TNFRSF1B: variants seen among roughly 807,000 people sequenced by gnomAD.
TNFRSF1B encodes the protein TNF receptor superfamily member 1B, also known as tumor necrosis factor receptor superfamily member 1B.
TNFRSF1B carries 19 observed loss-of-function variants against 44.6 expected under a neutral mutation model. The ratio of observed to expected loss-of-function variants is 0.43; its 90% CI spans 0.30 to 0.62. The LOEUF (loss-of-function observed/expected upper bound fraction) is 0.62. TNFRSF1B is among the 20% of genes least tolerant of loss of function. The pLI, the probability that TNFRSF1B is intolerant of heterozygous loss-of-function variation, is 0.16. For synonymous variants in TNFRSF1B, 252 were observed against 261.1 expected, an observed-to-expected ratio of 0.97 and a Z score of 0.34; for missense variants, 541 against 619.9, an observed-to-expected ratio of 0.87 and a Z score of 1.35.
At chr1:12,182,053 CAG>C (rs1400299847) in intron 1 of TNFRSF1B, among the ~76,000 whole-genome samples, 1 of 152,216 alleles carries the variant, frequency 6.6e-6, no homozygotes, top group African/African-American at 2.4e-5. Flanking sequence ...AGTGAGGACA[CAG>C]AGGATCTTTG....
At chr1:12,183,700 C>G (rs1570141497) in intron 1 of TNFRSF1B, among the ~76,000 whole-genome samples, 1 of 123,146 alleles carries the variant, frequency 8.1e-6, no homozygotes, top group African/African-American at 2.9e-5. Context: ...ATCTATCTAT[C>G]TATCTATCTA....
At chr1:12,202,343 C>T (rs1639413016) in intron 9 of TNFRSF1B, among the ~76,000 whole-genome samples, 172 bp downstream of exon 9, 1 of 152,268 alleles carries the variant, frequency 6.6e-6, no homozygotes, top group Admixed American at 6.5e-5. Context: ...TTTGCCCATG[C>T]TGGGCCTATC....
In TNFRSF1B at chr1:12,192,970, T is replaced by C. The variant is rs745706109; in HGVS notation, c.659T>C (p.Val220Ala). The change falls in exon 6 of 10, where the codon GTG (valine) becomes GCG (alanine). Residue 220 changes from valine (V) to alanine (A), a missense_variant. Coordinates refer to ENST00000376259, the MANE Select transcript of TNFRSF1B (RefSeq NM_001066.3). The stretch of plus-strand genomic sequence containing the variant: ...GGGGCAGTACACTTACCCCAGCCAG[T>C]GTCCACACGATCCCAACACACGCAG... ...APGAVHLPQPVSTRSQHTQPT... is the reference protein window; with the variant it reads ...APGAVHLPQPASTRSQHTQPT... The C allele has an allele frequency of 7.4e-6, 12 of 1,614,056 alleles. No individual in the cohort carries two copies. The highest frequency in any genetic ancestry group is 4.5e-5 in the East Asian group (2 of 44,890).
rs140130961 is a variant in TNFRSF1B at position 12,194,573 on chromosome 1, C to G, written c.866-11C>G. 58 of 1,614,166 alleles carry G rather than the reference C, an allele frequency of 3.6e-5. 1 individual carries two copies. The East Asian group carries it at 1.2e-3, about 33-fold the overall frequency. On this transcript the variant is annotated splice_polypyrimidine_tract_variant and intron_variant, in intron 7 of 9. Coordinates refer to ENST00000376259, the MANE Select transcript of TNFRSF1B (RefSeq NM_001066.3). ...AGTCAATCTCTTACTTGTCCCCTCT[C>G]CTCTTTATAGAGAAGCCCTTGTGCC...
In TNFRSF1B at chr1:12,177,817, C is replaced by G. The variant is rs1277083480; in HGVS notation, c.78+10648C>G. Among the ~76,000 whole-genome samples, 3 of 151,130 alleles carry G rather than the reference C, an allele frequency of 2.0e-5. No homozygotes were observed. The highest frequency in any genetic ancestry group is 4.4e-5 in the Non-Finnish European group (3 of 67,844). The stretch of plus-strand genomic sequence containing the variant: ...TCCAAAAAAAAAAAAAAAAGAAGAG[C>G]TGACATTTAGCGGGTGCTTCTTGGG... On this transcript the variant is annotated intron_variant, in intron 1 of 9. Coordinates refer to ENST00000376259, the MANE Select transcript of TNFRSF1B (RefSeq NM_001066.3). The surrounding 1 kb of genome is among the most constrained non-coding windows in gnomAD (Gnocchi z 4.3).
chr1:12,198,205 G>A (rs769299105), intron 8 of TNFRSF1B, among the ~76,000 whole-genome samples: 16 of 151,404 alleles, frequency 1.1e-4, no homozygotes, highest in Non-Finnish European at 1.5e-4. Flanking sequence ...ACGGACCCAC[G>A]TCTGATAACA....
chr1:12,190,987 C>T lies in TNFRSF1B; in HGVS notation c.209C>T (p.Thr70Ile), dbSNP rs1639104700. 3 of 1,614,064 alleles carry T rather than the reference C, an allele frequency of 1.9e-6. No homozygotes were observed. Among genetic ancestry groups the T allele is most frequent in the Non-Finnish European group, 1.7e-6 (2 of 1,180,044 alleles). The change falls in exon 3 of 10, where the codon ACC (threonine) becomes ATC (isoleucine). Residue 70 changes from threonine (T) to isoleucine (I), a missense_variant. Thr to Ile is a moderately conservative substitution (Grantham distance 89). Coordinates refer to ENST00000376259, the MANE Select transcript of TNFRSF1B (RefSeq NM_001066.3). ...GQHAKVFCTK[T>I]SDTVCDSCED... The stretch of plus-strand genomic sequence containing the variant: ...CATGCAAAAGTCTTCTGTACCAAGA[C>T]CTCGGACACCGTGTGTGACTCCTGT...
At position 12,180,182 on chromosome 1, in the gene TNFRSF1B, C is replaced by T. The variant is rs1161208149; in HGVS notation, c.79-8614C>T. ...CAGCGGCTCACGCCTGTAATCCCAG[C>T]ACTTTGGGAGGCTGAGGGAGGAGGA... is the stretch of plus-strand genomic sequence containing the variant. On this transcript the variant is annotated intron_variant, in intron 1 of 9. Coordinates refer to ENST00000376259, the MANE Select transcript of TNFRSF1B (RefSeq NM_001066.3). This position sits in a 1 kb window ranked among gnomAD's most constrained non-coding sequence, Gnocchi z 4.3. Among the ~76,000 whole-genome samples the T allele has an allele frequency of 6.6e-6, 1 of 152,184 alleles. No homozygotes were observed. The highest frequency in any genetic ancestry group is 6.5e-5 in the Admixed American group (1 of 15,274).
chr1:12,204,448 C>CGGCTA (rs1639458169), intron 9 of TNFRSF1B, among the ~76,000 whole-genome samples: 1 of 152,220 alleles, frequency 6.6e-6, no homozygotes, highest in Admixed American at 6.5e-5. Flanking sequence ...ATCCACCTCC[C>CGGCTA]GGCTACCCTA....
At chr1:12,174,460 C>G (rs1483121498) in intron 1 of TNFRSF1B, among the ~76,000 whole-genome samples, 1 of 152,110 alleles carries the variant, frequency 6.6e-6, no homozygotes, top group East Asian at 1.9e-4. Flanking sequence ...GTTGGCCAGG[C>G]TGGTCTCGAA....
chr1:12,188,081 T>A (rs1639026016), intron 1 of TNFRSF1B, among the ~76,000 whole-genome samples: 1 of 152,112 alleles, frequency 6.6e-6, no homozygotes, highest in African/African-American at 2.4e-5. Flanking sequence ...GTCATGGTCA[T>A]AACCAACATT....
intron 1 of TNFRSF1B, among the ~76,000 whole-genome samples, chr1:12,185,640 A>G (rs1570146257): frequency 6.6e-6 from 1 of 152,346 alleles, no homozygotes; most frequent in African/African-American, 2.4e-5. Flanking sequence ...GCCCGTGCCC[A>G]GAATTCACCA....
In TNFRSF1B at chr1:12,169,688, A is replaced by G. The variant is rs1327233532; in HGVS notation, c.78+2519A>G. Reference sequence around the variant, plus strand: ...TGCCAGCAGGGCTTTTGCCCCGTTTAAAAGTCTTATTTGCCAGCTGGTATG... The same window carrying G: ...TGCCAGCAGGGCTTTTGCCCCGTTTGAAAGTCTTATTTGCCAGCTGGTATG... On this transcript the variant is annotated intron_variant, in intron 1 of 9. Coordinates refer to ENST00000376259, the MANE Select transcript of TNFRSF1B (RefSeq NM_001066.3). The surrounding 1 kb of genome is among the most constrained non-coding windows in gnomAD (Gnocchi z 4.5). Among the ~76,000 whole-genome samples, 1 of 152,250 alleles carries G rather than the reference A, an allele frequency of 6.6e-6. No homozygotes were observed. Among genetic ancestry groups the G allele is most frequent in the African/African-American group, 2.4e-5 (1 of 41,466 alleles).
intron 8 of TNFRSF1B, among the ~76,000 whole-genome samples, chr1:12,194,910 C>A (rs1639233694): frequency 6.6e-6 from 1 of 152,240 alleles, no homozygotes; most frequent in East Asian, 1.9e-4. Flanking sequence ...TGCTCTATGG[C>A]TACTTCCTTA....
intron 1 of TNFRSF1B, among the ~76,000 whole-genome samples, chr1:12,175,066 G>A (rs918868720): frequency 6.6e-6 from 1 of 152,246 alleles, no homozygotes; most frequent in South Asian, 2.1e-4. Flanking sequence ...CTGAGTGGGA[G>A]AGCAGAGCGG....
In TNFRSF1B at chr1:12,177,178, A is replaced by ATT. The variant is rs537232312; in HGVS notation, c.78+10016_78+10017dup. ...CCACCACGCCTGGCTAATTTTTTGTATTTTTTTTAGTAGAGATGGTGTTTC... is the reference window on the plus strand; with the variant it reads ...CCACCACGCCTGGCTAATTTTTTGTATTTTTTTTTTAGTAGAGATGGTGTTTC... On this transcript the variant is annotated intron_variant, in intron 1 of 9. Transcript: ENST00000376259. The surrounding 1 kb of genome is among the most constrained non-coding windows in gnomAD (Gnocchi z 4.3). Among the ~76,000 whole-genome samples the ATT allele has an allele frequency of 6.6e-6, 1 of 151,350 alleles. No homozygotes were observed. Among genetic ancestry groups the ATT allele is most frequent in the African/African-American group, 2.4e-5 (1 of 41,150 alleles).
In TNFRSF1B at chr1:12,177,475, C is replaced by A. The variant is rs768630023; in HGVS notation, c.78+10306C>A. 6.6e-6 allele frequency among the ~76,000 whole-genome samples: 1 copy of A among 152,160 alleles called. No homozygotes were observed. The highest frequency in any genetic ancestry group is 1.5e-5 in the Non-Finnish European group (1 of 68,006). ...TCTCAGGTATGAAATTGGCTGCACCCCCACTAGTGTGGGGGAGCAGGATTC... is the reference window on the plus strand; with the variant it reads ...TCTCAGGTATGAAATTGGCTGCACCACCACTAGTGTGGGGGAGCAGGATTC... On this transcript the variant is annotated intron_variant, in intron 1 of 9. Coordinates refer to ENST00000376259, the MANE Select transcript of TNFRSF1B (RefSeq NM_001066.3). The surrounding 1 kb of genome is among the most constrained non-coding windows in gnomAD (Gnocchi z 4.3).
Position 12,207,112 on chromosome 1 carries a change from C to G in TNFRSF1B, c.*92C>G, listed in dbSNP as rs1639523050. ...GGCCCTGGTCCTTCCAGGCCCCCAC[C>G]ACTAGGACTCTGAGGCTCTTTCTGG... is the stretch of plus-strand genomic sequence containing the variant. On this transcript the variant is annotated 3_prime_UTR_variant, in exon 10 of 10. Transcript: ENST00000376259. 2 of 1,367,506 alleles carry G rather than the reference C, an allele frequency of 1.5e-6. No individual in the cohort carries two copies. The highest frequency in any genetic ancestry group is 1.6e-5 in the South Asian group (1 of 63,908). 84.7% of individuals were successfully genotyped at this position (1,367,506 alleles called of 1,614,324 possible). A position where few individuals can be genotyped will look rare whatever the true frequency, so the allele number is the denominator to read the frequency against.
Position 12,201,998 on chromosome 1 carries a change from C to T in TNFRSF1B, c.932C>T (p.Thr311Ile), listed in dbSNP as rs1639402186. ...TTGCCTGCCGATAAGGCCCGGGGTA[C>T]ACAGGGCCCCGAGCAGCAGCACCTG... ...PHLPADKARG[T>I]QGPEQQHLLI... Residue 311 changes from threonine to isoleucine, a missense_variant, in exon 9 of 10, where the codon ACA (threonine) becomes ATA (isoleucine). Thr to Ile is a moderately conservative substitution (Grantham distance 89, BLOSUM62 -1). Coordinates refer to ENST00000376259, the MANE Select transcript of TNFRSF1B (RefSeq NM_001066.3). The T allele has an allele frequency of 1.9e-6, 3 of 1,613,056 alleles. No individual in the cohort carries two copies. The highest frequency in any genetic ancestry group is 1.3e-5 in the African/African-American group (1 of 75,052).
Sources: allele counts gnomAD v4.1 joint callset (sites outside exome capture counted in the v4.1 genomes callset), GRCh38; gene constraint gnomAD v4.1.1; non-coding constraint Gnocchi (gnomAD v3.1); transcripts MANE v1.5; gene names NCBI Gene and HGNC (gene_info 2026-07-23, HGNC 2026-07-21).